The following LSAMP variants were observed in gnomAD, a reference collection of about 807,000 sequenced individuals.
LSAMP encodes limbic system associated membrane protein.
In LSAMP, 7 loss-of-function variants were observed where a neutral mutation model predicts 38.6. The observed-to-expected ratio is 0.18, with a 90% CI of 0.10 to 0.34. LSAMP has a LOEUF of 0.34. Ranked by LOEUF, LSAMP falls within the 10% of genes least tolerant of loss-of-function variation. The pLI is 1.00. For missense variants in LSAMP, 313 were observed against 420.0 expected (o/e 0.75, Z 2.23); for synonymous variants, 154 against 166.8 (o/e 0.92, Z 0.59).
At chr3:116,237,485 T>C (rs899330091) in intron 1 of LSAMP, among the ~76,000 whole-genome samples, 15 of 152,176 alleles carry the variant, frequency 9.9e-5, no homozygotes, top group Admixed American at 5.2e-4. Flanking sequence ...AGGTAAGAAG[T>C]ATGAAATGGA....
At chr3:116,185,066 A>G (rs1012438291) in intron 1 of LSAMP, among the ~76,000 whole-genome samples, 8 of 114,016 alleles carry the variant, frequency 7.0e-5, no homozygotes, top group African/African-American at 2.7e-4. Context: ...ATTTTGGCAC[A>G]GTTTCCTTTC....
At chr3:116,423,239 A>C (rs1369055957) in intron 1 of LSAMP, among the ~76,000 whole-genome samples, 1 of 152,214 alleles carries the variant, frequency 6.6e-6, no homozygotes, top group Non-Finnish European at 1.5e-5. Context: ...AACTTGCAAC[A>C]GAAGGAAAAT....
intron 2 of LSAMP, among the ~76,000 whole-genome samples, chr3:116,083,026 T>C (rs191283516): frequency 6.6e-6 from 1 of 152,190 alleles, no homozygotes; most frequent in South Asian, 2.1e-4. Flanking sequence ...AAAATAATTT[T>C]TTTAAAAAAG....
chr3:116,249,891 A>G (rs1038877054), intron 1 of LSAMP, among the ~76,000 whole-genome samples: 1 of 152,188 alleles, frequency 6.6e-6, no homozygotes, highest in African/African-American at 2.4e-5. Context: ...AACTCTTGCC[A>G]TTAAAATTCT....
chr3:116,137,520 T>C (rs1295230675), intron 1 of LSAMP, among the ~76,000 whole-genome samples: 1 of 152,188 alleles, frequency 6.6e-6, no homozygotes, highest in Admixed American at 6.5e-5. Flanking sequence ...AGTTACTTTT[T>C]CCTTTATCCT....
At chr3:116,426,852 T>C (rs1339493578) in intron 1 of LSAMP, among the ~76,000 whole-genome samples, 2 of 151,694 alleles carry the variant, frequency 1.3e-5, no homozygotes, top group African/African-American at 4.8e-5. Context: ...TAGACTATAG[T>C]ATGGGGGAGT....
In LSAMP at chr3:115,875,186, G is replaced by T. The variant is rs138982914; in HGVS notation, c.515-22569C>A. Among the ~76,000 whole-genome samples the T allele has an allele frequency of 8.2e-3, 1,241 of 152,228 alleles. 17 individuals carry two copies. The highest frequency in any genetic ancestry group is 0.028 in the African/African-American group (1,156 of 41,546). ...CCTTACCCAAATATTTTCCTCAGAA[G>T]AGATGTTATCTTTTTCCTTTCCATC... is the stretch of plus-strand genomic sequence containing the variant. On this transcript the variant is annotated intron_variant, in intron 3 of 6. Coordinates refer to ENST00000490035, the MANE Select transcript of LSAMP (RefSeq NM_002338.5).
chr3:116,102,151 G>C (rs1447056940), intron 1 of LSAMP, among the ~76,000 whole-genome samples: 1 of 152,146 alleles, frequency 6.6e-6, no homozygotes, highest in African/African-American at 2.4e-5. Context: ...ATGTACAGTA[G>C]AATTTTCTCC....
Position 116,404,741 on chromosome 3 carries a change from T to C in LSAMP, c.155+40136A>G, listed in dbSNP as rs189430575. ...TCAGACAGATCACATGATTCTAAGG[T>C]GACAAAATTGTTTTTTTGTGGTAAA... On this transcript the variant is annotated intron_variant, in intron 1 of 6. Coordinates refer to ENST00000490035, the MANE Select transcript of LSAMP (RefSeq NM_002338.5). Among the ~76,000 whole-genome samples, 145 of 152,266 alleles carry C rather than the reference T, an allele frequency of 9.5e-4. 1 individual carries two copies. The highest frequency in any genetic ancestry group is 3.1e-3 in the African/African-American group (130 of 41,560).
At chr3:116,390,100 T>C (rs547736859) in intron 1 of LSAMP, among the ~76,000 whole-genome samples, 1 of 151,132 alleles carries the variant, frequency 6.6e-6, no homozygotes, top group Non-Finnish European at 1.5e-5. Flanking sequence ...TCAATGTATC[T>C]TCTATACTTA....
At chr3:116,241,784 C>G (rs1410204368) in intron 1 of LSAMP, among the ~76,000 whole-genome samples, 1 of 152,176 alleles carries the variant, frequency 6.6e-6, no homozygotes, top group Non-Finnish European at 1.5e-5. Flanking sequence ...ACTGCATATT[C>G]TCATGTTGTA....
intron 3 of LSAMP, among the ~76,000 whole-genome samples, chr3:115,853,646 G>T (rs6796217): frequency 6.6e-6 from 1 of 152,040 alleles, no homozygotes. Flanking sequence ...GAAGGAGAAG[G>T]TGAAAGAGGA....
chr3:115,926,944 G>A (rs951379020), intron 3 of LSAMP, among the ~76,000 whole-genome samples: 3 of 152,064 alleles, frequency 2.0e-5, no homozygotes, highest in Non-Finnish European at 4.4e-5. Context: ...GGCTCCATAA[G>A]CACAGTAACT....
At chr3:116,232,277 C>T (rs2046410120) in intron 1 of LSAMP, among the ~76,000 whole-genome samples, 1 of 152,180 alleles carries the variant, frequency 6.6e-6, no homozygotes, top group Non-Finnish European at 1.5e-5. Flanking sequence ...TCACTAGCAT[C>T]ACCAGGTAAC....
intron 1 of LSAMP, among the ~76,000 whole-genome samples, chr3:116,421,682 A>T (rs2049129605): frequency 6.6e-6 from 1 of 152,346 alleles, no homozygotes; most frequent in East Asian, 1.9e-4. Flanking sequence ...ACAAGAAAAA[A>T]TGCACAACAT....
chr3:115,841,802 C>A lies in LSAMP; in HGVS notation c.919+43G>T, dbSNP rs75072789. 2.0e-4 allele frequency: 302 copies of A among 1,546,184 alleles called. No individual in the cohort carries two copies. In the African/African-American group the frequency reaches 3.7e-3, roughly 19 times the overall value. ...TTTTCACGTTTTTCATGTGAAAAGT[C>A]AATTTAATTCCATCAAGTTGGGCCC... On this transcript the variant is annotated intron_variant, in intron 6 of 6. Coordinates refer to ENST00000490035, the MANE Select transcript of LSAMP (RefSeq NM_002338.5).
intron 4 of LSAMP, among the ~76,000 whole-genome samples, chr3:115,845,995 T>C (rs1490861694): frequency 6.6e-6 from 1 of 152,230 alleles, no homozygotes; most frequent in East Asian, 1.9e-4. Context: ...TCATTGTTTC[T>C]AATATTTTTC....
At chr3:116,311,797 T>C (rs1258611968) in intron 1 of LSAMP, among the ~76,000 whole-genome samples, 1 of 152,204 alleles carries the variant, frequency 6.6e-6, no homozygotes, top group Non-Finnish European at 1.5e-5. Context: ...ATTGCAGTAG[T>C]AGAGACAGTA....
At chr3:115,814,889 C>G (rs1933962926) in intron 6 of LSAMP, among the ~76,000 whole-genome samples, 1 of 152,206 alleles carries the variant, frequency 6.6e-6, no homozygotes, top group Non-Finnish European at 1.5e-5. Context: ...CCCGTAGCAT[C>G]TAGCCCAGCG....
Sources: allele counts gnomAD v4.1 joint callset (sites outside exome capture counted in the v4.1 genomes callset), GRCh38; gene constraint gnomAD v4.1.1; transcripts MANE v1.5; gene names NCBI Gene and HGNC (gene_info 2026-07-23, HGNC 2026-07-21).